SEZ6L: variants seen among roughly 807,000 people sequenced by gnomAD.
The protein encoded by SEZ6L is seizure 6-like protein.
In SEZ6L, 37 loss-of-function variants were observed where a neutral mutation model predicts 106.2. The observed-to-expected ratio is 0.35, with a 90% CI of 0.27 to 0.46. The LOEUF (loss-of-function observed/expected upper bound fraction) is 0.46. Ranked by LOEUF, SEZ6L falls within the 20% of genes least tolerant of loss-of-function variation. The pLI, the probability that SEZ6L is intolerant of heterozygous loss-of-function variation, is 1.00. For missense variants in SEZ6L, 1,172 were observed against 1,332.8 expected (o/e 0.88, Z 1.88); for synonymous variants, 541 against 570.4 (o/e 0.95, Z 0.73).
chr22:26,377,796 T>C lies in SEZ6L; in HGVS notation c.3045+21T>C, dbSNP rs552193339. The C allele has an allele frequency of 6.7e-6, 10 of 1,494,202 alleles. No homozygotes were observed. In the Admixed American group the frequency reaches 1.5e-4, roughly 22 times the overall value. The allele number at this position is 1,494,202 out of a possible 1,614,324, so 92.6% of individuals were successfully genotyped here. A position where few individuals can be genotyped will look rare whatever the true frequency, so the allele number is the denominator to read the frequency against. Reference sequence around the variant, plus strand: ...CAGGGGTGAGTTGGTCTCTCTCGTCTCTTCCCAATTCCCTCCCTCTTTGCT... The same window carrying C: ...CAGGGGTGAGTTGGTCTCTCTCGTCCCTTCCCAATTCCCTCCCTCTTTGCT... On this transcript the variant is annotated intron_variant, in intron 16 of 16. Coordinates refer to ENST00000248933, the MANE Select transcript of SEZ6L (RefSeq NM_021115.5).
chr22:26,349,114 T>C (rs1470210786), intron 11 of SEZ6L, among the ~76,000 whole-genome samples: 4 of 152,186 alleles, frequency 2.6e-5, no homozygotes, highest in Admixed American at 1.3e-4. Flanking sequence ...TAAATTTGAA[T>C]TGGGCCCCTT....
intron 1 of SEZ6L, among the ~76,000 whole-genome samples, chr22:26,196,449 A>G (rs563032403): frequency 5.3e-5 from 8 of 152,336 alleles, no homozygotes; most frequent in Admixed American, 2.6e-4. Flanking sequence ...ACTAAGGCCA[A>G]TGTAGCTGGA....
intron 12 of SEZ6L, among the ~76,000 whole-genome samples, chr22:26,363,804 C>T (rs1255115223): frequency 2.0e-5 from 3 of 152,186 alleles, no homozygotes; most frequent in Non-Finnish European, 4.4e-5. Context: ...AAGTGTGACA[C>T]CTGCCTACGA....
chr22:26,218,307 A>C (rs2078355978), intron 1 of SEZ6L, among the ~76,000 whole-genome samples: 1 of 152,112 alleles, frequency 6.6e-6, no homozygotes, highest in Non-Finnish European at 1.5e-5. Flanking sequence ...ACATAGGTAC[A>C]ATACATGTGC....
chr22:26,346,917 G>A (rs1167305320), intron 10 of SEZ6L, among the ~76,000 whole-genome samples: 2 of 152,086 alleles, frequency 1.3e-5, no homozygotes, highest in African/African-American at 4.8e-5. Flanking sequence ...AATTCTGCTG[G>A]GCACAGTGGC....
intron 1 of SEZ6L, among the ~76,000 whole-genome samples, chr22:26,287,891 T>C (rs2080988070): frequency 6.6e-6 from 1 of 152,162 alleles, no homozygotes; most frequent in Admixed American, 6.5e-5. Flanking sequence ...GATGAATTTA[T>C]CTGGTGGATA....
intron 1 of SEZ6L, among the ~76,000 whole-genome samples, chr22:26,176,404 G>T (rs1243573581): frequency 1.3e-5 from 2 of 152,236 alleles, no homozygotes; most frequent in Non-Finnish European, 2.9e-5. Context: ...CTCATCCAGT[G>T]GCAAATGCCA....
At chr22:26,377,549 A>G (rs1425879626) in intron 15 of SEZ6L, 124 bp from the exon 16 acceptor site, 10 of 757,426 alleles carry the variant, frequency 1.3e-5, no homozygotes, top group Non-Finnish European at 2.3e-5. Flanking sequence ...CTGTTTGCAC[A>G]CATCCTCGTC....
chr22:26,377,875 G>A (rs1013321928), intron 16 of SEZ6L, 100 bp downstream of exon 16: 16 of 912,888 alleles, frequency 1.8e-5, no homozygotes, highest in Non-Finnish European at 2.5e-5. Flanking sequence ...CTCACAAGAG[G>A]CACAGCCAGT....
chr22:26,224,812 C>A (rs1403426235), intron 1 of SEZ6L, among the ~76,000 whole-genome samples: 1 of 152,136 alleles, frequency 6.6e-6, no homozygotes, highest in African/African-American at 2.4e-5. Flanking sequence ...ATGTTGATAA[C>A]CTCCATCAGT....
intron 9 of SEZ6L, among the ~76,000 whole-genome samples, chr22:26,330,312 G>T (rs1294240769): frequency 6.6e-6 from 1 of 152,178 alleles, no homozygotes; most frequent in African/African-American, 2.4e-5. Flanking sequence ...ACCTCAGTTG[G>T]CTTATCTGTG....
intron 9 of SEZ6L, among the ~76,000 whole-genome samples, 164 bp from the exon 10 acceptor site, chr22:26,340,272 C>T (rs879268979): frequency 6.6e-6 from 1 of 152,124 alleles, no homozygotes; most frequent in Admixed American, 6.6e-5. Flanking sequence ...GTCACATTTG[C>T]AGTCTATGTC....
chr22:26,234,345 A>T (rs4140478), intron 1 of SEZ6L, among the ~76,000 whole-genome samples: 27,376 of 152,222 alleles, frequency 0.18, 2,980 homozygotes, highest in East Asian at 0.42. Context: ...TAATGGGGCC[A>T]GCAGAGAGAG....
At chr22:26,247,954 T>G (rs1468328538) in intron 1 of SEZ6L, among the ~76,000 whole-genome samples, 2 of 152,220 alleles carry the variant, frequency 1.3e-5, no homozygotes, top group African/African-American at 4.8e-5. Context: ...GTCTCCTTGA[T>G]GTCCCTGCCT....
intron 1 of SEZ6L, among the ~76,000 whole-genome samples, chr22:26,277,578 T>A (rs2080593275): frequency 6.6e-6 from 1 of 152,250 alleles, no homozygotes; most frequent in Non-Finnish European, 1.5e-5. Context: ...AAAGCACGTT[T>A]ATCTAGGATT....
At chr22:26,258,627 CT>C (rs1427594328) in intron 1 of SEZ6L, among the ~76,000 whole-genome samples, 3 of 152,170 alleles carry the variant, frequency 2.0e-5, no homozygotes, top group Non-Finnish European at 4.4e-5. Context: ...TTACATACAG[CT>C]AGCAAATTGC....
intron 1 of SEZ6L, among the ~76,000 whole-genome samples, chr22:26,289,598 C>G (rs1182747248): frequency 6.6e-6 from 1 of 152,192 alleles, no homozygotes; most frequent in African/African-American, 2.4e-5. Flanking sequence ...TCACGCTGCT[C>G]CCAGATACCC....
chr22:26,201,057 C>A (rs928079049), intron 1 of SEZ6L, among the ~76,000 whole-genome samples: 2 of 152,114 alleles, frequency 1.3e-5, no homozygotes, highest in Non-Finnish European at 2.9e-5. Context: ...TGGGTCCTTG[C>A]ACTCTTTTTC....
chr22:26,382,029 A>G lies in SEZ6L; in HGVS notation c.*1734A>G, dbSNP rs377155701. The G allele has an allele frequency of 3.9e-6, 2 of 518,734 alleles. No individual in the cohort carries two copies. Among genetic ancestry groups the G allele is most frequent in the African/African-American group, 3.8e-5 (2 of 51,962 alleles). 32.1% of individuals were successfully genotyped at this position (518,734 alleles called of 1,614,324 possible). The stretch of plus-strand genomic sequence containing the variant: ...GCACACATGTACCCTCCTTGACAGC[A>G]GGAACTCAGACTTCAATCTTGGGGG... On this transcript the variant is annotated 3_prime_UTR_variant, in exon 17 of 17. Coordinates refer to ENST00000248933, the MANE Select transcript of SEZ6L (RefSeq NM_021115.5).
Sources: gnomAD v4.1 joint callset for allele counts (sites outside exome capture counted in the v4.1 genomes callset) on GRCh38, gnomAD v4.1.1 for gene constraint, MANE v1.5 for transcripts, NCBI Gene and HGNC (gene_info 2026-07-23, HGNC 2026-07-21) for gene names.